CAMK1D: variants seen among roughly 807,000 people sequenced by gnomAD.
CAMK1D encodes calcium/calmodulin dependent protein kinase ID.
A neutral mutation model predicts 47.7 loss-of-function variants in CAMK1D; 9 were observed. The observed-to-expected ratio is 0.19, with a 90% CI of 0.11 to 0.33. The LOEUF is 0.33. Among genes scored for constraint, CAMK1D ranks in the 10% least tolerant of loss-of-function variants. The pLI is 1.00. For synonymous variants in CAMK1D, 184 were observed against 184.9 expected, an observed-to-expected ratio of 0.99 and a Z score of 0.04; for missense variants, 291 against 488.7, an observed-to-expected ratio of 0.60 and a Z score of 3.81.
intron 6 of CAMK1D, 118 bp from the exon 7 acceptor site, chr10:12,814,077 C>T: frequency 1.5e-6 from 1 of 679,888 alleles, no homozygotes; most frequent in East Asian, 2.7e-5. Context: ...GCGTGAGCCA[C>T]TGTGCCTTGC....
chr10:12,350,960 A>G, intron 1 of CAMK1D, among the ~76,000 whole-genome samples: 1 of 152,182 alleles, frequency 6.6e-6, no homozygotes, highest in East Asian at 1.9e-4. Context: ...CATGGGATAA[A>G]TCAGTGCGTT....
intron 6 of CAMK1D, among the ~76,000 whole-genome samples, chr10:12,805,031 T>C (rs1400135198): frequency 6.6e-6 from 1 of 151,056 alleles, no homozygotes; most frequent in Non-Finnish European, 1.5e-5. Context: ...GAGGCCGATG[T>C]AGGCGGATCA....
intron 1 of CAMK1D, among the ~76,000 whole-genome samples, chr10:12,520,948 G>GGGGGAGGGGGAA (rs1248802295): frequency 4.4e-5 from 1 of 22,638 alleles, no homozygotes; most frequent in Non-Finnish European, 9.3e-5. Flanking sequence ...GGGAGAGGGA[G>GGGGGAGGGGGAA]GGGGAGGGGG....
At chr10:12,708,478 A>G (rs1833814181) in intron 3 of CAMK1D, among the ~76,000 whole-genome samples, 1 of 152,202 alleles carries the variant, frequency 6.6e-6, no homozygotes, top group South Asian at 2.1e-4. Flanking sequence ...ATCTCAATAT[A>G]GAATAATAAA....
intron 1 of CAMK1D, among the ~76,000 whole-genome samples, chr10:12,400,037 T>C (rs1839117451): frequency 6.6e-6 from 1 of 152,194 alleles, no homozygotes; most frequent in Non-Finnish European, 1.5e-5. Context: ...CAGTATTGGC[T>C]AATACGGCAT....
chr10:12,495,011 C>T (rs977727800), intron 1 of CAMK1D, among the ~76,000 whole-genome samples: 3 of 152,204 alleles, frequency 2.0e-5, no homozygotes, highest in African/African-American at 7.2e-5. Context: ...CAGACATGGA[C>T]TTTCTTCTCA....
intron 1 of CAMK1D, among the ~76,000 whole-genome samples, chr10:12,493,558 A>G (rs1241500921): frequency 1.3e-5 from 2 of 152,026 alleles, no homozygotes; most frequent in Non-Finnish European, 2.9e-5. Context: ...CAGTGGCGCA[A>G]TCTCAGCTTA....
intron 1 of CAMK1D, among the ~76,000 whole-genome samples, chr10:12,443,981 G>T (rs777804960): frequency 2.0e-5 from 3 of 152,176 alleles, no homozygotes; most frequent in African/African-American, 7.2e-5. Flanking sequence ...ACAAGGGACA[G>T]ATTATTCATG....
intron 2 of CAMK1D, among the ~76,000 whole-genome samples, chr10:12,606,443 G>T (rs1838464600): frequency 6.6e-6 from 1 of 152,176 alleles, no homozygotes; most frequent in South Asian, 2.1e-4. Flanking sequence ...ATGGGGCTTG[G>T]GCTCTGAGAT....
chr10:12,421,511 C>CTTTTTTTTTTT (rs71384322), intron 1 of CAMK1D, among the ~76,000 whole-genome samples: 5 of 50,732 alleles, frequency 9.9e-5, no homozygotes, highest in Non-Finnish European at 1.3e-4. Flanking sequence ...ATCCAGGATT[C>CTTTTTTTTTTT]TTTTTTTTTT....
chr10:12,351,856 G>A (rs1046019781), intron 1 of CAMK1D, among the ~76,000 whole-genome samples: 1 of 152,180 alleles, frequency 6.6e-6, no homozygotes, highest in African/African-American at 2.4e-5. Context: ...ATTGCCTTCT[G>A]CCTGGGATGG....
chr10:12,574,503 A>G (rs1242111563), intron 2 of CAMK1D, among the ~76,000 whole-genome samples: 4 of 92,972 alleles, frequency 4.3e-5, no homozygotes, highest in African/African-American at 4.7e-5. Context: ...TTTTTAGTAG[A>G]GACGGGGCTT....
chr10:12,538,464 T>C (rs1836050822), intron 1 of CAMK1D, among the ~76,000 whole-genome samples: 1 of 152,238 alleles, frequency 6.6e-6, no homozygotes, highest in Non-Finnish European at 1.5e-5. Flanking sequence ...GTATCCAGTT[T>C]TTATGTTTAA....
intron 1 of CAMK1D, among the ~76,000 whole-genome samples, chr10:12,489,940 G>A (rs573395563): frequency 6.6e-6 from 1 of 152,196 alleles, no homozygotes; most frequent in Admixed American, 6.5e-5. Flanking sequence ...CGAGAGGAAT[G>A]TGTTGCTGGA....
intron 1 of CAMK1D, among the ~76,000 whole-genome samples, chr10:12,421,037 C>T (rs1376186684): frequency 1.3e-5 from 2 of 152,160 alleles, no homozygotes; most frequent in Non-Finnish European, 2.9e-5. Context: ...GTCTTGCAGG[C>T]TGTATCATAT....
rs557671744 is a variant in CAMK1D at position 12,431,313 on chromosome 10, T to C, written c.92+81403T>C. Among the ~76,000 whole-genome samples, 23 of 152,272 alleles carry C rather than the reference T, an allele frequency of 1.5e-4. No individual in the cohort carries two copies. In the East Asian group the frequency reaches 3.7e-3, roughly 24 times the overall value. On this transcript the variant is annotated intron_variant, in intron 1 of 10. Transcript: ENST00000619168. ...GCTGTTTTTTGCAGCTGCACTGTAA[T>C]CCCTGGTTATTGAGGGCACAGGTGG...
At chr10:12,373,195 C>T (rs1396042838) in intron 1 of CAMK1D, among the ~76,000 whole-genome samples, 1 of 152,038 alleles carries the variant, frequency 6.6e-6, no homozygotes, top group Non-Finnish European at 1.5e-5. Flanking sequence ...TGCTTGTAGT[C>T]CCAGCTACTT....
chr10:12,429,689 T>G (rs1840375734), intron 1 of CAMK1D, among the ~76,000 whole-genome samples: 1 of 152,140 alleles, frequency 6.6e-6, no homozygotes, highest in Non-Finnish European at 1.5e-5. Context: ...TCTTCAGTCA[T>G]CCACCTCACT....
At chr10:12,638,569 C>A (rs1839577477) in intron 2 of CAMK1D, among the ~76,000 whole-genome samples, 1 of 152,158 alleles carries the variant, frequency 6.6e-6, no homozygotes, top group Non-Finnish European at 1.5e-5. Context: ...TGGCCCCCGA[C>A]CCTGGCCAGC....
Sources: allele counts gnomAD v4.1 joint callset (sites outside exome capture counted in the v4.1 genomes callset), GRCh38; gene constraint gnomAD v4.1.1; transcripts MANE v1.5; gene names NCBI Gene and HGNC (gene_info 2026-07-23, HGNC 2026-07-21).